The following SPATA13 variants were observed in gnomAD, a reference collection of about 807,000 sequenced individuals.
The protein encoded by SPATA13 is spermatogenesis associated 13.
SPATA13 carries 50 observed loss-of-function variants against 104.0 expected under a neutral mutation model. That is an observed-to-expected ratio of 0.48 (90% CI 0.38 to 0.61). SPATA13 has a LOEUF of 0.61. Among genes scored for constraint, SPATA13 ranks in the 20% least tolerant of loss-of-function variants. The pLI is 0.00. For missense variants in SPATA13, 1,524 were observed against 1,690.6 expected (o/e 0.90, Z 1.73); for synonymous variants, 606 against 667.5 (o/e 0.91, Z 1.42).
At chr13:24,257,483 A>G (rs1873848163) in intron 4 of SPATA13, among the ~76,000 whole-genome samples, 2 of 152,218 alleles carry the variant, frequency 1.3e-5, no homozygotes, top group African/African-American at 4.8e-5. Flanking sequence ...GAGGTACAAT[A>G]ATAGCTAGAT....
chr13:24,130,960 G>A (rs894938266), intron 3 of SPATA13, among the ~76,000 whole-genome samples: 1 of 152,238 alleles, frequency 6.6e-6, no homozygotes, highest in South Asian at 2.1e-4. Flanking sequence ...TTACACAGGG[G>A]TGGAGCGGGG....
chr13:24,249,744 C>G lies in SPATA13; in HGVS notation c.1921C>G (p.Pro641Ala), dbSNP rs538499853. 6.2e-7 allele frequency: 1 copy of G among 1,614,176 alleles called. No individual in the cohort carries two copies. Among genetic ancestry groups the G allele is most frequent in the East Asian group, 2.2e-5 (1 of 44,886 alleles). ...AGACCAGAATGCTCCAGTGGGCTGCCCCAAAGGAGCCCGGAGAAGGCGCCC... is the reference window on the plus strand; with the variant it reads ...AGACCAGAATGCTCCAGTGGGCTGCGCCAAAGGAGCCCGGAGAAGGCGCCC... ...PEDQNAPVGC[P>A]KGARRRRPIS... The change falls in exon 3 of 13, where the codon CCC (proline) becomes GCC (alanine). Residue 641 changes from proline (P) to alanine (A), a missense_variant. Coordinates refer to ENST00000382108, the MANE Select transcript of SPATA13 (RefSeq NM_001166271.3).
chr13:24,223,791 A>G lies in SPATA13; in HGVS notation c.862A>G (p.Arg288Gly). Residue 288 changes from arginine (R) to glycine (G), a missense_variant, in exon 2 of 13, where the codon AGG (arginine) becomes GGG (glycine). By Grantham distance (125) the Arg-to-Gly change is moderately radical (BLOSUM62 -2). This residue lies in a region of SPATA13 where 1,089 missense variants were observed against 1,135.9 expected (regional missense o/e 0.96). Coordinates refer to ENST00000382108, the MANE Select transcript of SPATA13 (RefSeq NM_001166271.3). ...RTAHDARVPQ[R>G]TLSSSSTDSQ... ...GGCCCATGACGCACGGGTACCACAGAGGACCCTGAGCAGTTCCTCCACTGA... is the reference window on the plus strand; with the variant it reads ...GGCCCATGACGCACGGGTACCACAGGGGACCCTGAGCAGTTCCTCCACTGA... 2 of 1,551,822 alleles carry G rather than the reference A, an allele frequency of 1.3e-6. No individual in the cohort carries two copies. Among genetic ancestry groups the G allele is most frequent in the Non-Finnish European group, 1.7e-6 (2 of 1,146,996 alleles).
At chr13:24,262,945 G>A (rs746168759) in intron 4 of SPATA13, among the ~76,000 whole-genome samples, 4 of 151,872 alleles carry the variant, frequency 2.6e-5, no homozygotes, top group Non-Finnish European at 5.9e-5. Flanking sequence ...AAATACATAC[G>A]TTCAGGTTAT....
At chr13:24,213,791 A>T (rs1871149689) in intron 1 of SPATA13, among the ~76,000 whole-genome samples, 1 of 152,236 alleles carries the variant, frequency 6.6e-6, no homozygotes, top group South Asian at 2.1e-4. Context: ...GGAAGATGAT[A>T]CGAGAATCTT....
intron 3 of SPATA13, among the ~76,000 whole-genome samples, chr13:24,080,944 C>T (rs1380627851): frequency 6.6e-6 from 1 of 152,182 alleles, no homozygotes; most frequent in African/African-American, 2.4e-5. Flanking sequence ...ACACACGTAC[C>T]TCCTAATAAG....
chr13:24,146,494 A>G (rs752812450), intron 3 of SPATA13, among the ~76,000 whole-genome samples: 7 of 152,236 alleles, frequency 4.6e-5, no homozygotes, highest in Non-Finnish European at 8.8e-5. Context: ...TGCTAGGGCG[A>G]TACATAACTA....
At chr13:24,197,303 A>G (rs59689324) in intron 1 of SPATA13, among the ~76,000 whole-genome samples, 5,194 of 152,330 alleles carry the variant, frequency 0.034, 309 homozygotes, top group African/African-American at 0.12. Context: ...TAAAGCTGGA[A>G]AGAGTAAACA....
upstream of SPATA13, among the ~76,000 whole-genome samples, chr13:24,159,131 A>AGTT (rs5802266): frequency 1.9e-4 from 29 of 151,622 alleles, no homozygotes; most frequent in South Asian, 5.2e-3. Flanking sequence ...AGACCGTGAT[A>AGTT]TTTTTTTTTA....
chr13:24,009,615 T>G (rs1413358880), intron 2 of SPATA13, among the ~76,000 whole-genome samples: 1 of 152,146 alleles, frequency 6.6e-6, no homozygotes, highest in African/African-American at 2.4e-5. Flanking sequence ...TGGCAATTGA[T>G]TGAAAGAGTT....
chr13:24,050,586 A>G (rs1428887463), intron 3 of SPATA13, among the ~76,000 whole-genome samples: 2 of 152,210 alleles, frequency 1.3e-5, no homozygotes, highest in African/African-American at 4.8e-5. Flanking sequence ...AGGACACAGC[A>G]TGGCAGCTGG....
At chr13:24,072,900 C>T (rs746132905) in intron 3 of SPATA13, among the ~76,000 whole-genome samples, 2 of 144,496 alleles carry the variant, frequency 1.4e-5, no homozygotes, top group Non-Finnish European at 3.0e-5. Context: ...CAAAACTAAA[C>T]CTAATGCACA....
Position 24,142,922 on chromosome 13 carries a change from T to C in SPATA13, c.-111-79897T>C, listed in dbSNP as rs571489987. Among the ~76,000 whole-genome samples the C allele has an allele frequency of 9.2e-5, 14 of 152,302 alleles. No individual in the cohort carries two copies. The South Asian group carries it at 2.9e-3, about 32-fold the overall frequency. On this transcript the variant is annotated intron_variant, in intron 3 of 14. Coordinates refer to the SPATA13 transcript ENST00000424834. ...TCATGTCAGTCAGGGCCTTCTCCTT[T>C]CTTGCAGGGCTGAAGCAGCTCTCCA...
chr13:24,158,257 A>C (rs905744698), upstream of SPATA13, among the ~76,000 whole-genome samples: 1 of 152,204 alleles, frequency 6.6e-6, no homozygotes, highest in Non-Finnish European at 1.5e-5. Context: ...CACTTGCAGG[A>C]AACAACAGAA....
chr13:24,174,195 T>G (rs1883117309), intron 1 of SPATA13, among the ~76,000 whole-genome samples: 1 of 152,212 alleles, frequency 6.6e-6, no homozygotes, highest in Non-Finnish European at 1.5e-5. Context: ...GTAGTTTGTG[T>G]TTTTAAAGAA....
chr13:24,135,088 G>C (rs951465638), intron 3 of SPATA13, among the ~76,000 whole-genome samples: 1 of 152,082 alleles, frequency 6.6e-6, no homozygotes, highest in African/African-American at 2.4e-5. Context: ...GAAAGAAACA[G>C]CCCTGCCAAT....
intron 3 of SPATA13, among the ~76,000 whole-genome samples, chr13:24,130,365 G>C (rs569248634): frequency 6.6e-6 from 1 of 152,222 alleles, no homozygotes; most frequent in Non-Finnish European, 1.5e-5. Flanking sequence ...AAAGGGGACT[G>C]TTTGGCAAAT....
At chr13:24,103,504 A>AAAAAAAAATAG (rs1458068316) in intron 3 of SPATA13, among the ~76,000 whole-genome samples, 1 of 115,580 alleles carries the variant, frequency 8.7e-6, no homozygotes, top group East Asian at 2.3e-4. Context: ...AAAAAAAAAC[A>AAAAAAAAATAG]AGAAAGAAAA....
chr13:24,095,077 G>A (rs1380315771), intron 3 of SPATA13, among the ~76,000 whole-genome samples: 1 of 152,170 alleles, frequency 6.6e-6, no homozygotes, highest in African/African-American at 2.4e-5. Context: ...AGAATGAAAA[G>A]CAGAGTCTCA....
Sources: allele counts gnomAD v4.1 joint callset (sites outside exome capture counted in the v4.1 genomes callset), GRCh38; gene constraint gnomAD v4.1.1; regional missense constraint gnomAD v4.1.1; transcripts MANE v1.5; gene names NCBI Gene and HGNC (gene_info 2026-07-23, HGNC 2026-07-21).